SDC3: variants seen among roughly 807,000 people sequenced by gnomAD.
SDC3 encodes the protein syndecan-3.
Under a neutral mutation model 24.4 loss-of-function variants are expected in SDC3, and 13 were observed. That is an observed-to-expected ratio of 0.53 (90% CI 0.35 to 0.85). The LOEUF (loss-of-function observed/expected upper bound fraction) is 0.85. Among genes scored for constraint, SDC3 ranks in the 40% least tolerant of loss-of-function variants. The pLI, the probability that SDC3 is intolerant of heterozygous loss-of-function variation, is 0.01. For synonymous variants in SDC3, 295 were observed against 260.9 expected, an observed-to-expected ratio of 1.13 and a Z score of -1.26; for missense variants, 571 against 584.5, an observed-to-expected ratio of 0.98 and a Z score of 0.24.
intron 1 of SDC3, among the ~76,000 whole-genome samples, chr1:30,905,956 C>T (rs1321221563): frequency 4.6e-5 from 5 of 109,568 alleles, no homozygotes; most frequent in Admixed American, 9.7e-5. Context: ...CTGAAAGACA[C>T]GAAGACACAC....
At chr1:30,874,993 A>G (rs1015216952) in intron 3 of SDC3, among the ~76,000 whole-genome samples, 6 of 152,254 alleles carry the variant, frequency 3.9e-5, no homozygotes, top group African/African-American at 1.4e-4. Context: ...TGCAGATGCT[A>G]TGGATGTGGG....
chr1:30,900,640 G>A (rs961922072), intron 1 of SDC3, among the ~76,000 whole-genome samples: 1 of 152,100 alleles, frequency 6.6e-6, no homozygotes, highest in African/African-American at 2.4e-5. Context: ...CCCCCACGGA[G>A]CACCCCCAAG....
chr1:30,873,189 G>T lies in SDC3; in HGVS notation c.*22C>A. The T allele has an allele frequency of 1.9e-6, 3 of 1,592,872 alleles. No homozygotes were observed. The highest frequency in any genetic ancestry group is 1.3e-5 in the African/African-American group (1 of 74,642). On this transcript the variant is annotated 3_prime_UTR_variant, in exon 5 of 5. Transcript: ENST00000339394. The stretch of plus-strand genomic sequence containing the variant: ...TGGACAGCAGGGTGGTGTTGAGGCT[G>T]CAGGGAGGCACTGTGGCTCCACTAG...
chr1:30,885,958 T>C (rs1175287817), intron 1 of SDC3, among the ~76,000 whole-genome samples: 7 of 152,098 alleles, frequency 4.6e-5, no homozygotes, highest in African/African-American at 1.4e-4. Flanking sequence ...CACCGCCCCA[T>C]CAATCCCAGC....
intron 1 of SDC3, among the ~76,000 whole-genome samples, chr1:30,901,303 T>C (rs535307366): frequency 7.9e-5 from 12 of 152,088 alleles, no homozygotes; most frequent in Non-Finnish European, 1.3e-4. Context: ...TCTCTAGGAC[T>C]CTCCACCCCT....
Position 30,871,626 on chromosome 1 carries a change from G to A in SDC3, c.*1585C>T, listed in dbSNP as rs1184691200. The stretch of plus-strand genomic sequence containing the variant: ...GGGAGGGCCTCTGGGCAGGTGGGCT[G>A]AGGTTGGCCTGCCAGGCAGAGGGCA... On this transcript the variant is annotated 3_prime_UTR_variant, in exon 5 of 5. Transcript: ENST00000339394. The A allele has an allele frequency of 1.3e-5, 2 of 152,510 alleles. No individual in the cohort carries two copies. The highest frequency in any genetic ancestry group is 2.9e-5 in the Non-Finnish European group (2 of 68,238). 9.4% of individuals were successfully genotyped at this position (152,510 alleles called of 1,614,324 possible).
intron 3 of SDC3, among the ~76,000 whole-genome samples, chr1:30,875,474 G>A (rs1253254116): frequency 6.6e-6 from 1 of 152,174 alleles, no homozygotes; most frequent in Admixed American, 6.5e-5. Flanking sequence ...GCTGGCTGGG[G>A]AGTCAGAGGG....
At chr1:30,903,392 C>T (rs1570032025) in intron 1 of SDC3, among the ~76,000 whole-genome samples, 1 of 152,200 alleles carries the variant, frequency 6.6e-6, no homozygotes, top group East Asian at 1.9e-4. Context: ...ATGACCCAGA[C>T]ATAAACTCCC....
At chr1:30,899,437 C>T (rs1427808382) in intron 1 of SDC3, among the ~76,000 whole-genome samples, 2 of 152,122 alleles carry the variant, frequency 1.3e-5, no homozygotes, top group African/African-American at 2.4e-5. Flanking sequence ...TGCAGTGATG[C>T]GATCTCGGCT....
intron 1 of SDC3, among the ~76,000 whole-genome samples, chr1:30,894,484 GATGAATGT>G (rs1639966449): frequency 2.8e-5 from 1 of 36,114 alleles, no homozygotes; most frequent in Non-Finnish European, 4.7e-5. Context: ...GGGGGGTGTG[GATGAATGT>G]GGGGGGTGAG....
At chr1:30,876,289 C>T (rs1025084187) in intron 3 of SDC3, among the ~76,000 whole-genome samples, 1 of 152,146 alleles carries the variant, frequency 6.6e-6, no homozygotes, top group Non-Finnish European at 1.5e-5. Context: ...GCCCGGCCCC[C>T]CTTGTCACCA....
rs1245441606 is a variant in SDC3, at chr1:30,908,516, C to CCGGCCG, written c.65_70dup (p.Ala22_Ala23dup). The CCGGCCG allele has an allele frequency of 4.1e-6, 4 of 975,008 alleles. No individual in the cohort carries two copies. The Admixed American group carries it at 2.6e-4, about 63-fold the overall frequency. 60.4% of individuals were successfully genotyped at this position (975,008 alleles called of 1,614,324 possible). ...CAGGAGCAGCCCGCGGGCCCCGGGCCCGGCCGCGGCCCCGGCCCCGGCGCC... is the reference window on the plus strand; with the variant it reads ...CAGGAGCAGCCCGCGGGCCCCGGGCCCGGCCGCGGCCGCGGCCCCGGCCCCGGCGCC... On this transcript the variant is annotated inframe_insertion, in exon 1 of 5. Coordinates refer to ENST00000339394, the MANE Select transcript of SDC3 (RefSeq NM_014654.4).
rs376909180 is a variant in SDC3, at chr1:30,882,582, A to G, written c.139-3842T>C. Among the ~76,000 whole-genome samples the G allele has an allele frequency of 7.2e-5, 11 of 152,174 alleles. No individual in the cohort carries two copies. The East Asian group carries it at 1.5e-3, about 21-fold the overall frequency. ...CCAGGAGCACCCCATCAGGGCTGTG[A>G]TGGGTGAGGGTCCAAATGAGCTGGA... On this transcript the variant is annotated intron_variant, in intron 1 of 4. Transcript: ENST00000339394.
chr1:30,882,227 C>T (rs767462263), intron 1 of SDC3, among the ~76,000 whole-genome samples: 88 of 152,336 alleles, frequency 5.8e-4, no homozygotes, highest in Non-Finnish European at 1.0e-3. Context: ...CGCGCAAACA[C>T]GCACTTTCCT....
intron 1 of SDC3, among the ~76,000 whole-genome samples, chr1:30,884,346 C>T (rs1025316913): frequency 4.6e-5 from 7 of 152,070 alleles, no homozygotes; most frequent in Non-Finnish European, 1.0e-4. Context: ...ACACTCAAGC[C>T]TCTCACAAAC....
chr1:30,899,443 C>T (rs540200639), intron 1 of SDC3, among the ~76,000 whole-genome samples: 8 of 152,260 alleles, frequency 5.3e-5, no homozygotes, highest in East Asian at 1.9e-4. Context: ...GATGCGATCT[C>T]GGCTCACTGC....
At chr1:30,876,268 C>T (rs1488598503) in intron 3 of SDC3, among the ~76,000 whole-genome samples, 2 of 152,136 alleles carry the variant, frequency 1.3e-5, no homozygotes, top group Non-Finnish European at 2.9e-5. Flanking sequence ...TTCTCTCAAC[C>T]GAAACACTCA....
intron 1 of SDC3, among the ~76,000 whole-genome samples, chr1:30,900,828 TG>T (rs1028580055): frequency 1.3e-5 from 2 of 150,562 alleles, no homozygotes; most frequent in Non-Finnish European, 3.0e-5. Context: ...GCAGGATGGA[TG>T]GGGGGGTCCT....
intron 1 of SDC3, among the ~76,000 whole-genome samples, chr1:30,890,893 C>A (rs1375891809): frequency 6.6e-6 from 1 of 152,224 alleles, no homozygotes; most frequent in Non-Finnish European, 1.5e-5. Context: ...GTTTAGTCCG[C>A]AGACCACAAG....
Sources: gnomAD v4.1 joint callset for allele counts (sites outside exome capture counted in the v4.1 genomes callset) on GRCh38, gnomAD v4.1.1 for gene constraint, MANE v1.5 for transcripts, NCBI Gene and HGNC (gene_info 2026-07-23, HGNC 2026-07-21) for gene names.